Variants in CHRD observed in about 807,000 individuals in gnomAD.
The protein encoded by CHRD is chordin.
CHRD carries 69 observed loss-of-function variants against 113.7 expected under a neutral mutation model. The ratio of observed to expected loss-of-function variants is 0.61; its 90% CI spans 0.50 to 0.74. The LOEUF (loss-of-function observed/expected upper bound fraction) is 0.74, where lower values mean the gene tolerates loss of function less well. Ranked by LOEUF, CHRD falls within the 30% of genes least tolerant of loss-of-function variation. CHRD has a pLI of 0.00. For missense variants in CHRD, 1,194 were observed against 1,295.8 expected, an observed-to-expected ratio of 0.92 and a Z score of 1.21; for synonymous variants, 561 against 540.8, an observed-to-expected ratio of 1.04 and a Z score of -0.52.
chr3:184,388,495 C>G lies in CHRD; in HGVS notation c.2555-92C>G. The G allele has an allele frequency of 6.9e-7, 1 of 1,442,924 alleles. No homozygotes were observed. Among genetic ancestry groups the G allele is most frequent in the Non-Finnish European group, 9.3e-7 (1 of 1,076,246 alleles). The allele number at this position is 1,442,924 out of a possible 1,614,324, so 89.4% of individuals were successfully genotyped here. A position where few individuals can be genotyped will look rare whatever the true frequency, so the allele number is the denominator to read the frequency against. ...TCCAAATTTATCACCTACTAAGTGC[C>G]AGAAACTGCAACGTGCTGGGTATTC... On this transcript the variant is annotated intron_variant, in intron 20 of 22. Coordinates refer to ENST00000204604, the Ensembl canonical transcript of CHRD. This position sits in a 1 kb window ranked among gnomAD's most constrained non-coding sequence, Gnocchi z 6.1.
chr3:184,383,335 G>A, exon 11 of CHRD: 1 of 1,613,790 alleles, frequency 6.2e-7, no homozygotes, highest in Non-Finnish European at 8.5e-7. Flanking sequence ...CCTTTGTGGG[G>A]CTGATGCCCT....
At position 184,380,615 on chromosome 3, in the gene CHRD, C is replaced by T. The variant is rs1205338856; in HGVS notation, c.149-77C>T. On this transcript the variant is annotated intron_variant, in intron 1 of 22. Coordinates refer to ENST00000204604, the Ensembl canonical transcript of CHRD. The surrounding 1 kb of genome is among the most constrained non-coding windows in gnomAD (Gnocchi z 6.3). Reference sequence around the variant, plus strand: ...GCAGAAGGGCGCGGTGCCTGGGACCCGGGACCCGCGGGCAGCCCCCGGGGC... The same window carrying T: ...GCAGAAGGGCGCGGTGCCTGGGACCTGGGACCCGCGGGCAGCCCCCGGGGC... 3.5e-5 allele frequency: 43 copies of T among 1,242,566 alleles called. No individual in the cohort carries two copies. The East Asian group carries it at 1.4e-3, about 40-fold the overall frequency. 77.0% of individuals were successfully genotyped at this position (1,242,566 alleles called of 1,614,324 possible). A position where few individuals can be genotyped will look rare whatever the true frequency, so the allele number is the denominator to read the frequency against.
At position 184,384,526 on chromosome 3, in the gene CHRD, C is replaced by T. The variant is rs1172129315; in HGVS notation, c.1441-11C>T. The stretch of plus-strand genomic sequence containing the variant: ...TGAGAGCTGAGAAGGCCTATCCTCC[C>T]CTGCCCCCAGGCCGTGGGTATCTGC... On this transcript the variant is annotated splice_polypyrimidine_tract_variant and intron_variant, in intron 12 of 22. Transcript: ENST00000204604. This position sits in a 1 kb window ranked among gnomAD's most constrained non-coding sequence, Gnocchi z 4.4. 6.6e-7 allele frequency: 1 copy of T among 1,512,016 alleles called. No homozygotes were observed. The highest frequency in any genetic ancestry group is 8.8e-7 in the Non-Finnish European group (1 of 1,131,180). 93.7% of individuals were successfully genotyped at this position (1,512,016 alleles called of 1,614,324 possible). A position where few individuals can be genotyped will look rare whatever the true frequency, so the allele number is the denominator to read the frequency against.
At chr3:184,383,320 A>G in exon 11 of CHRD, 1 of 1,613,508 alleles carries the variant, frequency 6.2e-7, no homozygotes, top group Non-Finnish European at 8.5e-7. Flanking sequence ...AGTCCTGCAA[A>G]GTGTCCTTTG....
Position 184,380,911 on chromosome 3 carries a change from TATTTTTCTGGTGGAGGAAGGGG to T in CHRD, c.252+118_252+139del. On this transcript the variant is annotated intron_variant, in intron 2 of 22. Coordinates refer to ENST00000204604, the Ensembl canonical transcript of CHRD. This position sits in a 1 kb window ranked among gnomAD's most constrained non-coding sequence, Gnocchi z 6.3. ...GAGCCCAGTCGGCAGATGTTGGGGATATTTTTCTGGTGGAGGAAGGGGAATCAGCCCCTCCAATTCTTAGGTG... is the reference window on the plus strand; with the variant it reads ...GAGCCCAGTCGGCAGATGTTGGGGATAATCAGCCCCTCCAATTCTTAGGTG... The T allele has an allele frequency of 1.2e-6, 1 of 838,064 alleles. No homozygotes were observed. The highest frequency in any genetic ancestry group is 1.7e-5 in the African/African-American group (1 of 59,738). 51.9% of individuals were successfully genotyped at this position (838,064 alleles called of 1,614,324 possible).
In CHRD at chr3:184,381,773, C is replaced by T. The variant is rs527889467; in HGVS notation, c.569C>T (p.Ser190Leu). The change falls in exon 5 of 23, where the codon TCG becomes TTG. Residue 190 changes from serine to leucine, a missense_variant. Ser to Leu is a moderately radical substitution (Grantham distance 145). Transcript: ENST00000204604. The surrounding 1 kb of genome is among the most constrained non-coding windows in gnomAD (Gnocchi z 4.7). ...CAGGCGGTGGCACGAGCCCGAGTCT[C>T]GCTGCTGCGCTCTAGCCTCCGCTTC... is the stretch of plus-strand genomic sequence containing the variant. The T allele has an allele frequency of 1.9e-5, 31 of 1,613,240 alleles. No homozygotes were observed. In the African/African-American group the frequency reaches 2.3e-4, roughly 12 times the overall value.
chr3:184,389,040 A>C (rs758020586), intron 22 of CHRD, 45 bp downstream of exon 22: 25 of 1,367,432 alleles, frequency 1.8e-5, no homozygotes, highest in Non-Finnish European at 2.1e-6. Context: ...TGGAGGGCTC[A>C]CCTGCCTGTG....
intron 15 of CHRD, 69 bp downstream of exon 15, chr3:184,386,228 TG>T: frequency 6.7e-7 from 1 of 1,498,352 alleles, no homozygotes; most frequent in Non-Finnish European, 9.3e-7. Flanking sequence ...TGTGTGCCAT[TG>T]CACTAGTCAC....
Position 184,384,860 on chromosome 3 carries a change from A to C in CHRD, c.1598-158A>C. The C allele has an allele frequency of 8.3e-7, 1 of 1,200,132 alleles. No homozygotes were observed. Among genetic ancestry groups the C allele is most frequent in the Non-Finnish European group, 1.2e-6 (1 of 858,876 alleles). The allele number at this position is 1,200,132 out of a possible 1,614,324, so 74.3% of individuals were successfully genotyped here. A position where few individuals can be genotyped will look rare whatever the true frequency, so the allele number is the denominator to read the frequency against. On this transcript the variant is annotated intron_variant, in intron 13 of 22. Transcript: ENST00000204604. The surrounding 1 kb of genome is among the most constrained non-coding windows in gnomAD (Gnocchi z 4.4). Reference sequence around the variant, plus strand: ...TGCTGGCGGACTCTTCCTGTTGCTGAGGTTCAAGGGTCTAAAACTTGCTGC... The same window carrying C: ...TGCTGGCGGACTCTTCCTGTTGCTGCGGTTCAAGGGTCTAAAACTTGCTGC...
rs748479275 is a variant in CHRD, at chr3:184,384,669, T to G, written c.1573T>G (p.Cys525Gly). Reference sequence around the variant, plus strand: ...GGGGCACGTGGCTGCCCTGCCCTACTGTGGGCATAGCGCCCGCCATGACAG... The same window carrying G: ...GGGGCACGTGGCTGCCCTGCCCTACGGTGGGCATAGCGCCCGCCATGACAG... Residue 525 changes from cysteine (C) to glycine (G), a missense_variant, in exon 13 of 23, where the codon TGT (cysteine) becomes GGT (glycine). Transcript: ENST00000204604. The surrounding 1 kb of genome is among the most constrained non-coding windows in gnomAD (Gnocchi z 4.4). 2 of 1,581,504 alleles carry G rather than the reference T, an allele frequency of 1.3e-6. No homozygotes were observed. The highest frequency in any genetic ancestry group is 1.7e-6 in the Non-Finnish European group (2 of 1,165,072).
chr3:184,383,405 C>T, exon 11 of CHRD: 2 of 1,613,980 alleles, frequency 1.2e-6, no homozygotes, highest in Non-Finnish European at 1.7e-6. Flanking sequence ...GGAAATGGCT[C>T]CCTGATCTAT....
chr3:184,386,425 G>A (rs1277969828), intron 15 of CHRD, 67 bp from the exon 16 acceptor site: 2 of 1,518,226 alleles, frequency 1.3e-6, no homozygotes, highest in Admixed American at 4.9e-5. Flanking sequence ...CTGCTGGCTG[G>A]CCAGCTGCCG....
intron 15 of CHRD, 80 bp from the exon 16 acceptor site, chr3:184,386,412 C>T: frequency 6.6e-7 from 1 of 1,512,090 alleles, no homozygotes; most frequent in African/African-American, 1.4e-5. Context: ...GCCGAGGTGT[C>T]TCCTGCTGGC....
At chr3:184,389,552 A>C (rs1577418937) in exon 23 of CHRD, 1 of 742,876 alleles carries the variant, frequency 1.3e-6, no homozygotes. Context: ...CTCTACTCCC[A>C]CCCCCACTAC....
chr3:184,387,970 C>G lies in CHRD; in HGVS notation c.2491C>G (p.Pro831Ala). The change falls in exon 20 of 23, where the codon CCC becomes GCC. Residue 831 changes from proline to alanine, a missense_variant. Pro to Ala is a conservative substitution (Grantham distance 27). Transcript: ENST00000204604. This position sits in a 1 kb window ranked among gnomAD's most constrained non-coding sequence, Gnocchi z 6.1. ...GGTGCACTGTGAGAAGGTGCAGTGT[C>G]CCCGGCTGGCCTGTGCCCAGCCTGT... 6.2e-7 allele frequency: 1 copy of G among 1,613,606 alleles called. No individual in the cohort carries two copies. Among genetic ancestry groups the G allele is most frequent in the Admixed American group, 1.7e-5 (1 of 59,972 alleles).
chr3:184,389,648 C>T (rs1430527428), exon 23 of CHRD: 5 of 550,216 alleles, frequency 9.1e-6, no homozygotes, highest in Admixed American at 6.1e-5. Context: ...CTGCCACCCT[C>T]GGCCTCTGTC....
Position 184,381,525 on chromosome 3 carries a change from G to T in CHRD, c.412G>T (p.Gly138Cys), listed in dbSNP as rs1334564555. The T allele has an allele frequency of 6.2e-7, 1 of 1,603,678 alleles. No homozygotes were observed. Among genetic ancestry groups the T allele is most frequent in the Non-Finnish European group, 8.5e-7 (1 of 1,175,694 alleles). The change falls in exon 4 of 23, where the codon GGC becomes TGC. Residue 138 changes from glycine to cysteine, a missense_variant. Physicochemically the swap from Gly to Cys is radical, Grantham distance 159. Coordinates refer to ENST00000204604, the Ensembl canonical transcript of CHRD. The surrounding 1 kb of genome is among the most constrained non-coding windows in gnomAD (Gnocchi z 4.7). ...CAGCAGTTCGGAGCGGCAGCCGAGC[G>T]GCCTGTCCTTCGAGTATCCGCGGGA... is the stretch of plus-strand genomic sequence containing the variant.
At position 184,382,470 on chromosome 3, in the gene CHRD, C is replaced by G. The variant is rs745630288; in HGVS notation, c.781C>G (p.Leu261Val). Residue 261 changes from leucine to valine, a missense_variant, in exon 7 of 23, where the codon CTC becomes GTC. Leu to Val is a conservative substitution (Grantham distance 32). Coordinates refer to ENST00000204604, the Ensembl canonical transcript of CHRD. Reference sequence around the variant, plus strand: ...ACAGCTGCATGTGGCACTTGTGACACTCACTCACCCTTCAGGGGAGGTCTG... The same window carrying G: ...ACAGCTGCATGTGGCACTTGTGACAGTCACTCACCCTTCAGGGGAGGTCTG... The G allele has an allele frequency of 8.1e-6, 13 of 1,614,006 alleles. No individual in the cohort carries two copies. In the Admixed American group the frequency reaches 1.3e-4, roughly 17 times the overall value.
intron 12 of CHRD, among the ~76,000 whole-genome samples, chr3:184,383,926 A>G (rs1445377258): frequency 6.6e-6 from 1 of 152,012 alleles, no homozygotes; most frequent in Non-Finnish European, 1.5e-5. Flanking sequence ...ACAGGTGTGC[A>G]CCACCACACC....
Sources: allele counts gnomAD v4.1 joint callset (sites outside exome capture counted in the v4.1 genomes callset), GRCh38; gene constraint gnomAD v4.1.1; non-coding constraint Gnocchi (gnomAD v3.1); transcripts MANE v1.5; gene names NCBI Gene and HGNC (gene_info 2026-07-23, HGNC 2026-07-21).